Variants in LRMDA observed in about 807,000 individuals in gnomAD.
The protein encoded by LRMDA is leucine-rich melanocyte differentiation-associated protein.
Under a neutral mutation model 29.8 loss-of-function variants are expected in LRMDA, and 18 were observed. That is an observed-to-expected ratio of 0.60 (90% CI 0.42 to 0.90). The LOEUF (loss-of-function observed/expected upper bound fraction) is 0.90. LRMDA is among the 40% of genes least tolerant of loss of function. The probability of loss-of-function intolerance (pLI) is 0.00; values close to 1 mark genes in which losing one functional copy is unlikely to be tolerated. For synonymous variants in LRMDA, 125 were observed against 109.4 expected, an observed-to-expected ratio of 1.14 and a Z score of -0.89; for missense variants, 273 against 273.9, an observed-to-expected ratio of 1.00 and a Z score of 0.02.
At chr10:75,546,800 T>C (rs1026125564) in intron 2 of LRMDA, among the ~76,000 whole-genome samples, 4 of 152,260 alleles carry the variant, frequency 2.6e-5, no homozygotes, top group East Asian at 1.9e-4. Flanking sequence ...ATTAAGTGGC[T>C]ATTCAGATTA....
intron 2 of LRMDA, among the ~76,000 whole-genome samples, chr10:75,830,341 A>G (rs974833889): frequency 4.6e-5 from 7 of 152,122 alleles, no homozygotes; most frequent in African/African-American, 1.7e-4. Flanking sequence ...ATTTTAGTGA[A>G]CTTGGATTCT....
intron 2 of LRMDA, among the ~76,000 whole-genome samples, chr10:75,890,033 C>T (rs1381686939): frequency 6.6e-6 from 1 of 152,082 alleles, no homozygotes; most frequent in East Asian, 1.9e-4. Context: ...TAAGCAGAAA[C>T]ATGGCCCCCT....
intron 5 of LRMDA, among the ~76,000 whole-genome samples, chr10:76,205,678 G>T: frequency 6.6e-6 from 1 of 152,194 alleles, no homozygotes; most frequent in South Asian, 2.1e-4. Flanking sequence ...GTGGGGGTGC[G>T]GGGTGAAGGG....
chr10:75,513,949 A>G (rs1845257583), intron 2 of LRMDA, among the ~76,000 whole-genome samples: 1 of 152,218 alleles, frequency 6.6e-6, no homozygotes. Context: ...CTACAATGGT[A>G]GGCAAGAAGA....
At chr10:76,518,402 A>G (rs558450839) in intron 6 of LRMDA, among the ~76,000 whole-genome samples, 1 of 152,172 alleles carries the variant, frequency 6.6e-6, no homozygotes, top group South Asian at 2.1e-4. Context: ...ATTACTGGGG[A>G]CGAAGAGGAC....
intron 2 of LRMDA, among the ~76,000 whole-genome samples, chr10:75,703,924 C>T (rs1463630030): frequency 6.6e-6 from 1 of 152,140 alleles, no homozygotes; most frequent in Non-Finnish European, 1.5e-5. Context: ...TAACTAAATG[C>T]TCCCAACAGT....
At chr10:76,195,637 T>A (rs1851319565) in intron 5 of LRMDA, among the ~76,000 whole-genome samples, 1 of 152,170 alleles carries the variant, frequency 6.6e-6, no homozygotes, top group East Asian at 1.9e-4. Context: ...GCTATAAGTT[T>A]GTCATTCTTT....
intron 5 of LRMDA, among the ~76,000 whole-genome samples, chr10:76,121,300 C>G (rs1038953232): frequency 6.6e-6 from 1 of 152,036 alleles, no homozygotes; most frequent in Non-Finnish European, 1.5e-5. Context: ...ATGAGATACT[C>G]TAGTTAATGA....
chr10:75,928,190 G>C (rs935276383), intron 2 of LRMDA, among the ~76,000 whole-genome samples: 21 of 152,250 alleles, frequency 1.4e-4, no homozygotes, highest in Admixed American at 2.0e-4. Context: ...ACGCGGCAGG[G>C]AGCTGCAAAT....
At chr10:75,568,914 C>T (rs116748379) in intron 2 of LRMDA, among the ~76,000 whole-genome samples, 80 of 152,302 alleles carry the variant, frequency 5.3e-4, no homozygotes, top group African/African-American at 1.9e-3. Flanking sequence ...GCAGGTGTGA[C>T]TAATTCCACC....
intron 2 of LRMDA, among the ~76,000 whole-genome samples, chr10:75,583,577 C>T (rs148321793): frequency 1.6e-4 from 24 of 152,318 alleles, no homozygotes; most frequent in African/African-American, 5.8e-4. Flanking sequence ...CAGGCCTCAC[C>T]TCCAGTATTG....
Position 76,557,555 on chromosome 10 carries a change from A to C in LRMDA, c.*267A>C, listed in dbSNP as rs1477077914. 3 of 519,696 alleles carry C rather than the reference A, an allele frequency of 5.8e-6. No homozygotes were observed. Among genetic ancestry groups the C allele is most frequent in the African/African-American group, 1.9e-5 (1 of 52,228 alleles). 32.2% of individuals were successfully genotyped at this position (519,696 alleles called of 1,614,324 possible). On this transcript the variant is annotated 3_prime_UTR_variant, in exon 7 of 7. Coordinates refer to ENST00000611255, the MANE Select transcript of LRMDA (RefSeq NM_001305581.2). ...GGGTGACAGACAGCGGTGGCAAAGC[A>C]ACAGGGCTGACAGCATGAACACCAT...
chr10:75,851,504 C>G (rs1403980372), intron 2 of LRMDA, among the ~76,000 whole-genome samples: 1 of 152,172 alleles, frequency 6.6e-6, no homozygotes, highest in Non-Finnish European at 1.5e-5. Context: ...TGGCTTCAGC[C>G]AGCTGTTCAG....
At chr10:76,212,236 AACACACACACAC>A (rs35344389) in intron 5 of LRMDA, among the ~76,000 whole-genome samples, 12 of 142,848 alleles carry the variant, frequency 8.4e-5, no homozygotes, top group African/African-American at 3.1e-4. Flanking sequence ...TGAAAATTAA[AACACACACACAC>A]ACACACACAC....
At chr10:76,212,025 A>C (rs1026759192) in intron 5 of LRMDA, among the ~76,000 whole-genome samples, 5 of 152,186 alleles carry the variant, frequency 3.3e-5, no homozygotes, top group African/African-American at 1.2e-4. Context: ...TTCAAAAAGG[A>C]ACCAATTCAC....
chr10:76,289,078 A>G (rs1840306974), intron 5 of LRMDA, among the ~76,000 whole-genome samples: 1 of 152,224 alleles, frequency 6.6e-6, no homozygotes, highest in African/African-American at 2.4e-5. Flanking sequence ...GCAAGGACAT[A>G]TTACAGTGGA....
chr10:75,732,673 C>A (rs748254663), intron 2 of LRMDA, among the ~76,000 whole-genome samples: 2 of 152,162 alleles, frequency 1.3e-5, no homozygotes, highest in Non-Finnish European at 2.9e-5. Flanking sequence ...CCACAGCCTG[C>A]ATGTCCAGAC....
intron 5 of LRMDA, among the ~76,000 whole-genome samples, chr10:76,209,705 T>C (rs1851601983): frequency 1.3e-5 from 2 of 152,320 alleles, no homozygotes; most frequent in South Asian, 4.1e-4. Context: ...TCTCTGAACA[T>C]GGAGCCAGCC....
chr10:75,431,691 C>T lies in LRMDA; in HGVS notation c.-34C>T, dbSNP rs1318210918. ...CCGCTGCTGCCGCCGCGCCCCCGCG[C>T]TCCGTCCCGCGCGCCCGCAGCGTCC... is the stretch of plus-strand genomic sequence containing the variant. On this transcript the variant is annotated 5_prime_UTR_variant, in exon 1 of 7. Transcript: ENST00000611255. 2 of 1,287,982 alleles carry T rather than the reference C, an allele frequency of 1.6e-6. No homozygotes were observed. The highest frequency in any genetic ancestry group is 5.6e-5 in the South Asian group (2 of 35,536). The allele number at this position is 1,287,982 out of a possible 1,614,324, so 79.8% of individuals were successfully genotyped here. A position where few individuals can be genotyped will look rare whatever the true frequency, so the allele number is the denominator to read the frequency against.
Sources: allele counts gnomAD v4.1 joint callset (sites outside exome capture counted in the v4.1 genomes callset), GRCh38; gene constraint gnomAD v4.1.1; transcripts MANE v1.5; gene names NCBI Gene and HGNC (gene_info 2026-07-23, HGNC 2026-07-21).